The following MN1 variants were observed in gnomAD, a reference collection of about 807,000 sequenced individuals.
The protein encoded by MN1 is MN1 proto-oncogene, transcriptional regulator.
In MN1, 19 loss-of-function variants were observed where a neutral mutation model predicts 86.9. The observed-to-expected ratio is 0.22, with a 90% confidence interval of 0.15 to 0.32. The LOEUF (loss-of-function observed/expected upper bound fraction) is 0.32. Among genes scored for constraint, MN1 ranks in the 10% least tolerant of loss-of-function variants. The pLI is 1.00. For synonymous variants in MN1, 928 were observed against 849.6 expected, an observed-to-expected ratio of 1.09 and a Z score of -1.60; for missense variants, 1,841 against 1,862.0, an observed-to-expected ratio of 0.99 and a Z score of 0.21.
At chr22:27,764,630 G>A (rs1365580859) in intron 1 of MN1, among the ~76,000 whole-genome samples, 1 of 152,230 alleles carries the variant, frequency 6.6e-6, no homozygotes, top group Non-Finnish European at 1.5e-5. Context: ...GTGAGCAGAA[G>A]GGCTGAGGGC....
At position 27,749,844 on chromosome 22, in the gene MN1, A is replaced by G. The variant is rs1932745798; in HGVS notation, c.*1071T>C. The G allele has an allele frequency of 4.3e-6, 1 of 229,950 alleles. No homozygotes were observed. Among genetic ancestry groups the G allele is most frequent in the East Asian group, 6.2e-5 (1 of 16,150 alleles). The allele number at this position is 229,950 out of a possible 1,614,324, so 14.2% of individuals were successfully genotyped here. A position where few individuals can be genotyped will look rare whatever the true frequency, so the allele number is the denominator to read the frequency against. The stretch of plus-strand genomic sequence containing the variant: ...TTGCCCAGGCTGGACTGGGGATGGA[A>G]TGGGAGAGGTGGAGGAGATACACGC... On this transcript the variant is annotated 3_prime_UTR_variant, in exon 2 of 2. Transcript: ENST00000302326.
chr22:27,801,418 T>A lies in MN1; in HGVS notation c.-875A>T, dbSNP rs1319986743. On this transcript the variant is annotated 5_prime_UTR_variant, in exon 1 of 2. Coordinates refer to ENST00000302326, the MANE Select transcript of MN1 (RefSeq NM_002430.3). ...TTGGGTGTCTGAGTTCGCCGGAGTCTCCGCGCACCGTTGCAGGCGCGGGAG... is the reference window on the plus strand; with the variant it reads ...TTGGGTGTCTGAGTTCGCCGGAGTCACCGCGCACCGTTGCAGGCGCGGGAG... 9.5e-6 allele frequency: 2 copies of A among 210,340 alleles called. No individual in the cohort carries two copies. The highest frequency in any genetic ancestry group is 1.9e-5 in the Non-Finnish European group (2 of 103,392). 13.0% of individuals were successfully genotyped at this position (210,340 alleles called of 1,614,324 possible).
intron 1 of MN1, among the ~76,000 whole-genome samples, chr22:27,772,385 G>A (rs547253207): frequency 3.3e-5 from 5 of 152,346 alleles, no homozygotes; most frequent in Admixed American, 2.0e-4. Context: ...TTTGCCTTTC[G>A]AGGGAGTTGG....
intron 1 of MN1, among the ~76,000 whole-genome samples, chr22:27,760,202 G>A (rs1033147607): frequency 6.6e-6 from 1 of 152,144 alleles, no homozygotes; most frequent in African/African-American, 2.4e-5. Context: ...AAAATTAGCC[G>A]GGAGTAGTGG....
intron 1 of MN1, among the ~76,000 whole-genome samples, chr22:27,758,565 A>G (rs972745691): frequency 1.3e-5 from 2 of 152,120 alleles, no homozygotes; most frequent in African/African-American, 4.8e-5. Flanking sequence ...GCCACCAAAC[A>G]CAGAAAACAT....
chr22:27,794,052 A>C (rs1352805416), intron 1 of MN1, among the ~76,000 whole-genome samples: 1 of 152,166 alleles, frequency 6.6e-6, no homozygotes, highest in East Asian at 1.9e-4. Flanking sequence ...ATTGGACACC[A>C]CTGCTCAAGG....
rs745707970 is a variant in MN1 at position 27,800,563 on chromosome 22, G to A, written c.-20C>T. On this transcript the variant is annotated 5_prime_UTR_variant, in exon 1 of 2. Coordinates refer to ENST00000302326, the MANE Select transcript of MN1 (RefSeq NM_002430.3). ...AAACATACTTGGCGGGGGGCAGAGG[G>A]GGATCAATAGGGCATGACAGCCGGC... 6.8e-6 allele frequency: 11 copies of A among 1,613,608 alleles called. No homozygotes were observed. Among genetic ancestry groups the A allele is most frequent in the Non-Finnish European group, 8.5e-7 (1 of 1,180,002 alleles).
At chr22:27,757,978 C>T (rs1932811981) in intron 1 of MN1, among the ~76,000 whole-genome samples, 1 of 152,046 alleles carries the variant, frequency 6.6e-6, no homozygotes. Flanking sequence ...TTCTCCTGCC[C>T]CACTACCCCA....
intron 1 of MN1, among the ~76,000 whole-genome samples, chr22:27,769,262 C>T (rs1327681463): frequency 6.6e-6 from 1 of 152,168 alleles, no homozygotes; most frequent in Non-Finnish European, 1.5e-5. Context: ...CGAAACTAAT[C>T]CAGATTAGCA....
At chr22:27,771,671 C>T (rs1483126809) in intron 1 of MN1, among the ~76,000 whole-genome samples, 1 of 152,194 alleles carries the variant, frequency 6.6e-6, no homozygotes, top group Non-Finnish European at 1.5e-5. Context: ...CTGTTTGTGA[C>T]TGCTTTTGCA....
Position 27,750,032 on chromosome 22 carries a change from C to G in MN1, c.*883G>C, listed in dbSNP as rs1932749152. 3 of 232,188 alleles carry G rather than the reference C, an allele frequency of 1.3e-5. No individual in the cohort carries two copies. Among genetic ancestry groups the G allele is most frequent in the African/African-American group, 2.2e-5 (1 of 45,290 alleles). The allele number at this position is 232,188 out of a possible 1,614,324, so 14.4% of individuals were successfully genotyped here. Reference sequence around the variant, plus strand: ...CACCATCCCCCATGCAGACCAAAGGCTGCTTAGCACAGCGTGAAAATGCAG... The same window carrying G: ...CACCATCCCCCATGCAGACCAAAGGGTGCTTAGCACAGCGTGAAAATGCAG... On this transcript the variant is annotated 3_prime_UTR_variant, in exon 2 of 2. Coordinates refer to ENST00000302326, the MANE Select transcript of MN1 (RefSeq NM_002430.3).
At chr22:27,777,547 A>G (rs1372507016) in intron 1 of MN1, among the ~76,000 whole-genome samples, 101 of 116,782 alleles carry the variant, frequency 8.6e-4, no homozygotes, top group East Asian at 1.7e-3. Context: ...AAAAAAAAAA[A>G]AGAGAGAGAG....
intron 1 of MN1, among the ~76,000 whole-genome samples, chr22:27,784,576 G>A (rs890601630): frequency 4.6e-5 from 7 of 152,146 alleles, no homozygotes; most frequent in Non-Finnish European, 8.8e-5. Flanking sequence ...AATTTCATTA[G>A]GGGGAAAATA....
Position 27,800,603 on chromosome 22 carries a change from C to G in MN1, c.-60G>C. 1.2e-6 allele frequency: 2 copies of G among 1,606,636 alleles called. No homozygotes were observed. The highest frequency in any genetic ancestry group is 1.7e-6 in the Non-Finnish European group (2 of 1,178,692). On this transcript the variant is annotated 5_prime_UTR_variant, in exon 1 of 2. Coordinates refer to ENST00000302326, the MANE Select transcript of MN1 (RefSeq NM_002430.3). ...TGACAGCCGGCTCTCCGCGGCGCGCCTCCGGCCAGCTACTCGTTCCAGCCC... is the reference window on the plus strand; with the variant it reads ...TGACAGCCGGCTCTCCGCGGCGCGCGTCCGGCCAGCTACTCGTTCCAGCCC...
intron 1 of MN1, among the ~76,000 whole-genome samples, chr22:27,766,106 G>T (rs547509935): frequency 6.6e-6 from 1 of 152,168 alleles, no homozygotes; most frequent in Non-Finnish European, 1.5e-5. Flanking sequence ...TCTGCCGGAC[G>T]CTGGCTGTGT....
chr22:27,797,330 C>A lies in MN1; in HGVS notation c.3214G>T (p.Ala1072Ser), dbSNP rs778822088. Residue 1072 changes from alanine to serine, a missense_variant, in exon 1 of 2, where the codon GCG (alanine) becomes TCG (serine). Ala to Ser is a moderately conservative substitution (Grantham distance 99). Transcript: ENST00000302326. Reference sequence around the variant, plus strand: ...CCGGTCACCAGGGGACTCCTGCTCGCTTTAACTAGTGCCTGGGGGTTGTCA... The same window carrying A: ...CCGGTCACCAGGGGACTCCTGCTCGATTTAACTAGTGCCTGGGGGTTGTCA... ...SSDNPQALVK[A>S]SRSPLVTGSP... 2 of 1,605,272 alleles carry A rather than the reference C, an allele frequency of 1.2e-6. No homozygotes were observed. Among genetic ancestry groups the A allele is most frequent in the Admixed American group, 1.7e-5 (1 of 60,008 alleles).
At position 27,799,244 on chromosome 22, in the gene MN1, G is replaced by C. The variant is rs1933382304; in HGVS notation, c.1300C>G (p.Pro434Ala). 3 of 1,590,278 alleles carry C rather than the reference G, an allele frequency of 1.9e-6. No homozygotes were observed. The highest frequency in any genetic ancestry group is 2.6e-6 in the Non-Finnish European group (3 of 1,166,294). Residue 434 changes from proline to alanine, a missense_variant, in exon 1 of 2, where the codon CCG (proline) becomes GCG (alanine). By Grantham distance (27) the Pro-to-Ala change is conservative. Coordinates refer to ENST00000302326, the MANE Select transcript of MN1 (RefSeq NM_002430.3). ...AGCCGCTGGTTGGGCGCCTGCTGCG[G>C]AGGAGGATGCTGCATGCTGAAAACA... Reference protein sequence around the residue: ...EPVFSMQHPPPQQAPNQRLQH... With the variant: ...EPVFSMQHPPAQQAPNQRLQH...
intron 1 of MN1, among the ~76,000 whole-genome samples, chr22:27,790,736 C>T (rs1933200315): frequency 6.6e-6 from 1 of 152,126 alleles, no homozygotes; most frequent in Non-Finnish European, 1.5e-5. Flanking sequence ...AGATTCCTCT[C>T]CTGGCAGGAA....
intron 1 of MN1, among the ~76,000 whole-genome samples, chr22:27,785,266 A>C (rs1339237110): frequency 1.3e-5 from 2 of 152,206 alleles, no homozygotes; most frequent in Non-Finnish European, 2.9e-5. Flanking sequence ...ATACTTCCAA[A>C]CAAACTGCTC....
Sources: gnomAD v4.1 joint callset for allele counts (sites outside exome capture counted in the v4.1 genomes callset) on GRCh38, gnomAD v4.1.1 for gene constraint, MANE v1.5 for transcripts, NCBI Gene and HGNC (gene_info 2026-07-23, HGNC 2026-07-21) for gene names.